Variants in UPP2 observed in about 807,000 individuals in gnomAD.
The protein encoded by UPP2 is uridine phosphorylase 2.
Under a neutral mutation model 26.7 loss-of-function variants are expected in UPP2, and 23 were observed. That is an observed-to-expected ratio of 0.86 (90% confidence interval 0.62 to 1.22). The LOEUF (loss-of-function observed/expected upper bound fraction) is 1.22, where lower values mean the gene tolerates loss of function less well. Among genes scored for constraint, UPP2 ranks in the 50% most tolerant of loss-of-function variants. The pLI, the probability that UPP2 is intolerant of heterozygous loss-of-function variation, is 0.00. For synonymous variants in UPP2, 127 were observed against 141.3 expected (o/e 0.90, Z 0.72); for missense variants, 387 against 396.7 (o/e 0.98, Z 0.21).
chr2:158,028,435 C>T lies in UPP2; in HGVS notation c.147+12549C>T, dbSNP rs371017525. On this transcript the variant is annotated intron_variant, in intron 3 of 9. Transcript: ENST00000605860. ...TTCCCAACAAGCTCCTCATCACCAT[C>T]TGAGACCACCTCAGCCTGGACCTTA... 5.9e-5 allele frequency among the ~76,000 whole-genome samples: 9 copies of T among 152,312 alleles called. No individual in the cohort carries two copies. The South Asian group carries it at 1.2e-3, about 21-fold the overall frequency.
intron 3 of UPP2, among the ~76,000 whole-genome samples, chr2:158,075,669 C>A (rs1318004370): frequency 1.3e-5 from 2 of 151,834 alleles, no homozygotes; most frequent in Non-Finnish European, 2.9e-5. Flanking sequence ...ATACCAAAAC[C>A]TATGGGATAC....
intron 3 of UPP2, among the ~76,000 whole-genome samples, chr2:158,047,565 G>A (rs1684174383): frequency 1.3e-5 from 2 of 152,326 alleles, no homozygotes; most frequent in African/African-American, 4.8e-5. Flanking sequence ...CAAGAGACCA[G>A]TGGAAATGAG....
chr2:158,065,896 C>G, intron 3 of UPP2: 1 of 605,670 alleles, frequency 1.7e-6, no homozygotes, highest in Non-Finnish European at 3.1e-6. Flanking sequence ...GTTGCCCTAG[C>G]ATTAATTGAA....
intron 3 of UPP2, among the ~76,000 whole-genome samples, chr2:158,061,322 C>T (rs1027045088): frequency 3.3e-5 from 5 of 152,128 alleles, no homozygotes; most frequent in Non-Finnish European, 7.4e-5. Flanking sequence ...CCAGTGTTCC[C>T]CTCACACAAG....
chr2:158,108,061 G>A (rs1404212406), intron 2 of UPP2, among the ~76,000 whole-genome samples: 1 of 152,164 alleles, frequency 6.6e-6, no homozygotes, highest in Non-Finnish European at 1.5e-5. Context: ...TTAATTGAAA[G>A]ACTTTTCACA....
chr2:158,028,807 A>G (rs769932088), intron 3 of UPP2, among the ~76,000 whole-genome samples: 17 of 152,192 alleles, frequency 1.1e-4, no homozygotes, highest in Non-Finnish European at 1.9e-4. Context: ...GCAGCAAGAG[A>G]AAATGAGGAA....
At chr2:158,103,622 T>C (rs1683121167) in intron 1 of UPP2, among the ~76,000 whole-genome samples, 1 of 152,214 alleles carries the variant, frequency 6.6e-6, no homozygotes, top group African/African-American at 2.4e-5. Context: ...GTCGTGAAAG[T>C]AGTCTTGGCA....
chr2:158,129,204 C>T (rs1296621151), intron 6 of UPP2, among the ~76,000 whole-genome samples: 2 of 152,014 alleles, frequency 1.3e-5, no homozygotes, highest in Non-Finnish European at 2.9e-5. Flanking sequence ...CCTCCTCTCC[C>T]CTGCTATGAC....
At chr2:158,092,587 G>A (rs1682927732) in intron 3 of UPP2, among the ~76,000 whole-genome samples, 1 of 152,154 alleles carries the variant, frequency 6.6e-6, no homozygotes, top group Non-Finnish European at 1.5e-5. Context: ...TAGAAAGAAA[G>A]AAACCCAGAA....
At chr2:158,054,386 T>TTG (rs141791650) in intron 3 of UPP2, among the ~76,000 whole-genome samples, 5,685 of 21,228 alleles carry the variant, frequency 0.27, 353 homozygotes, top group African/African-American at 0.44. Context: ...TATTTTGAGG[T>TTG]TTTTTTTTTT....
chr2:158,102,680 C>G (rs1255550146), intron 1 of UPP2, among the ~76,000 whole-genome samples: 1 of 152,168 alleles, frequency 6.6e-6, no homozygotes, highest in African/African-American at 2.4e-5. Flanking sequence ...CCCAGGTTAA[C>G]AGAACACAAC....
At chr2:158,081,377 A>G (rs1682724314) in intron 3 of UPP2, among the ~76,000 whole-genome samples, 1 of 152,182 alleles carries the variant, frequency 6.6e-6, no homozygotes, top group Non-Finnish European at 1.5e-5. Context: ...AAGGGAATGT[A>G]AATTAGTAGT....
intron 3 of UPP2, among the ~76,000 whole-genome samples, chr2:158,036,047 G>A (rs950346744): frequency 5.3e-5 from 8 of 152,144 alleles, no homozygotes; most frequent in Admixed American, 3.3e-4. Context: ...TAGAAGGGTC[G>A]TGAATGTAGA....
intron 2 of UPP2, among the ~76,000 whole-genome samples, chr2:158,107,589 GAGAAAAGGGGAGGAGGA>G (rs1683221939): frequency 6.6e-6 from 1 of 152,086 alleles, no homozygotes; most frequent in Non-Finnish European, 1.5e-5. Context: ...AGAGGCAGGT[GAGAAAAGGGGAGGAGGA>G]AGAGGTTGGA....
At chr2:158,062,426 C>A (rs1682366881) in intron 3 of UPP2, among the ~76,000 whole-genome samples, 1 of 152,160 alleles carries the variant, frequency 6.6e-6, no homozygotes, top group South Asian at 2.1e-4. Flanking sequence ...CTGGCCATTT[C>A]TCTATTAGTG....
chr2:158,015,545 A>C (rs1683644324), intron 2 of UPP2, among the ~76,000 whole-genome samples: 1 of 152,164 alleles, frequency 6.6e-6, no homozygotes, highest in Non-Finnish European at 1.5e-5. Context: ...TGCTGTGAAC[A>C]TGGATGTGCA....
At chr2:158,034,056 G>A (rs1263548168) in intron 3 of UPP2, among the ~76,000 whole-genome samples, 1 of 152,160 alleles carries the variant, frequency 6.6e-6, no homozygotes, top group Non-Finnish European at 1.5e-5. Context: ...AACAGTGTAA[G>A]GCTCCACACT....
Position 158,121,604 on chromosome 2 carries a change from A to G in UPP2, c.650A>G (p.Tyr217Cys). The change falls in exon 5 of 7, where the codon TAT becomes TGT. Residue 217 changes from tyrosine (Y) to cysteine (C), a missense_variant. By Grantham distance (194) the Tyr-to-Cys change is radical. Coordinates refer to ENST00000005756, the MANE Select transcript of UPP2 (RefSeq NM_173355.4). ...CTCGTTGGACATACAATGTGTACCT[A>G]TGATTTTTATGAAGGTGAGAACAAT... ...PTLVGHTMCT[Y>C]DFYEGQGRLD... is the part of the protein sequence containing the mutation. The G allele has an allele frequency of 2.5e-6, 4 of 1,612,764 alleles. No individual in the cohort carries two copies. Among genetic ancestry groups the G allele is most frequent in the Non-Finnish European group, 3.4e-6 (4 of 1,178,798 alleles).
At chr2:158,071,167 G>A (rs1682533339) in intron 3 of UPP2, among the ~76,000 whole-genome samples, 1 of 152,148 alleles carries the variant, frequency 6.6e-6, no homozygotes, top group Admixed American at 6.5e-5. Flanking sequence ...AGTGGACTAG[G>A]GCGGCACGTG....
Sources: allele counts gnomAD v4.1 joint callset (sites outside exome capture counted in the v4.1 genomes callset), GRCh38; gene constraint gnomAD v4.1.1; transcripts MANE v1.5; gene names NCBI Gene and HGNC (gene_info 2026-07-23, HGNC 2026-07-21).